DLG2: variants seen among roughly 807,000 people sequenced by gnomAD.
The protein encoded by DLG2 is disks large homolog 2.
Under a neutral mutation model 132.5 loss-of-function variants are expected in DLG2, and 45 were observed. That is an observed-to-expected ratio of 0.34 (90% CI 0.27 to 0.44). DLG2 has a LOEUF of 0.44. Ranked by LOEUF, DLG2 falls within the 20% of genes least tolerant of loss-of-function variation. The probability of loss-of-function intolerance (pLI) is 1.00; values close to 1 mark genes in which losing one functional copy is unlikely to be tolerated. For missense variants in DLG2, 1,045 were observed against 1,196.9 expected (o/e 0.87, Z 1.87); for synonymous variants, 424 against 419.6 (o/e 1.01, Z -0.13).
intron 6 of DLG2, among the ~76,000 whole-genome samples, chr11:84,624,521 G>C (rs927054046): frequency 3.9e-5 from 6 of 151,940 alleles, no homozygotes; most frequent in African/African-American, 1.5e-4. Context: ...ACTCCTACTA[G>C]GAGTTCTCAT....
intron 6 of DLG2, among the ~76,000 whole-genome samples, chr11:84,641,960 T>C (rs2099667040): frequency 6.6e-6 from 1 of 150,598 alleles, no homozygotes. Context: ...CATACGTATA[T>C]ATGTATATAT....
intron 6 of DLG2, among the ~76,000 whole-genome samples, chr11:84,556,623 C>A (rs976020278): frequency 6.6e-6 from 1 of 152,160 alleles, no homozygotes; most frequent in African/African-American, 2.4e-5. Context: ...CCACATGTGA[C>A]CCACAGGCCG....
chr11:84,575,606 G>C (rs1338189191), intron 6 of DLG2, among the ~76,000 whole-genome samples: 1 of 152,092 alleles, frequency 6.6e-6, no homozygotes, highest in Non-Finnish European at 1.5e-5. Context: ...TTTTGATACA[G>C]GCATGCAATG....
At chr11:85,047,990 T>C (rs1055690762) in intron 6 of DLG2, among the ~76,000 whole-genome samples, 1 of 152,032 alleles carries the variant, frequency 6.6e-6, no homozygotes, top group South Asian at 2.1e-4. Context: ...TTTTCTAGCT[T>C]TCATTCATAG....
intron 4 of DLG2, among the ~76,000 whole-genome samples, chr11:85,279,157 T>A (rs898910888): frequency 1.4e-4 from 22 of 152,094 alleles, no homozygotes; most frequent in Admixed American, 3.9e-4. Flanking sequence ...AACTAGAATA[T>A]TGGAATCAAG....
Position 85,296,864 on chromosome 11 carries a change from T to C in DLG2, c.41-11499A>G, listed in dbSNP as rs186149741. The stretch of plus-strand genomic sequence containing the variant: ...TATAAAATGTGTAATAAAATTTTAT[T>C]ATAATTATGATGTAATTTTATTATA... On this transcript the variant is annotated intron_variant, in intron 3 of 27. Transcript: ENST00000376104. Among the ~76,000 whole-genome samples, 100 of 150,176 alleles carry C rather than the reference T, an allele frequency of 6.7e-4. 1 individual carries two copies. The highest frequency in any genetic ancestry group is 2.2e-3 in the African/African-American group (91 of 41,274).
chr11:85,448,538 T>C (rs997236944), intron 3 of DLG2, among the ~76,000 whole-genome samples: 1 of 152,174 alleles, frequency 6.6e-6, no homozygotes, highest in Non-Finnish European at 1.5e-5. Flanking sequence ...CACAACCCCT[T>C]TCTTTGAATG....
chr11:85,396,310 A>T (rs1010874751), intron 3 of DLG2, among the ~76,000 whole-genome samples: 1 of 152,144 alleles, frequency 6.6e-6, no homozygotes, highest in Non-Finnish European at 1.5e-5. Flanking sequence ...TATAACCACA[A>T]ACATGGGGAG....
At chr11:85,063,985 T>TGA (rs1430726181) in intron 6 of DLG2, among the ~76,000 whole-genome samples, 3 of 151,580 alleles carry the variant, frequency 2.0e-5, no homozygotes, top group Non-Finnish European at 4.4e-5. Flanking sequence ...ATAATTTAGT[T>TGA]GAGAAAAAAG....
At chr11:85,226,014 T>C (rs1282743199) in intron 4 of DLG2, among the ~76,000 whole-genome samples, 1 of 152,112 alleles carries the variant, frequency 6.6e-6, no homozygotes, top group African/African-American at 2.4e-5. Context: ...GAATTATCTC[T>C]GATTCCTTCC....
rs1333368977 is a variant in DLG2 at position 83,841,985 on chromosome 11, C to T, written c.1566-8215G>A. The stretch of plus-strand genomic sequence containing the variant: ...AAAGTAGCCAAGAGTAAGGAGCGGC[C>T]AGCCTTCTTCTTAAAAGGTATTATT... On this transcript the variant is annotated intron_variant, in intron 16 of 27. Transcript: ENST00000376104. 2.0e-5 allele frequency among the ~76,000 whole-genome samples: 3 copies of T among 152,224 alleles called. 1 individual carries two copies. The South Asian group carries it at 6.2e-4, about 32-fold the overall frequency.
intron 3 of DLG2, among the ~76,000 whole-genome samples, chr11:85,440,068 C>T (rs1001197954): frequency 2.0e-5 from 3 of 152,254 alleles, no homozygotes; most frequent in Admixed American, 2.0e-4. Flanking sequence ...TGCTTTAATA[C>T]TTTTATCTAT....
chr11:83,901,682 C>T (rs1038371329), intron 15 of DLG2, among the ~76,000 whole-genome samples: 3 of 152,140 alleles, frequency 2.0e-5, no homozygotes, highest in Non-Finnish European at 2.9e-5. Context: ...CTCTTTTTCA[C>T]CAGTGTGAAA....
At chr11:85,626,882 GT>G (rs1400822880) in intron 1 of DLG2, 129 bp from the exon 2 acceptor site, 2 of 152,112 alleles carry the variant, frequency 1.3e-5, no homozygotes, top group Non-Finnish European at 2.9e-5. Context: ...TATTTAGACT[GT>G]TTTTACAAAC....
chr11:83,497,913 T>TAA (rs966451122), intron 21 of DLG2, among the ~76,000 whole-genome samples: 3 of 147,836 alleles, frequency 2.0e-5, no homozygotes, highest in African/African-American at 7.4e-5. Context: ...CTTAATTTAT[T>TAA]AAAAAAAAAA....
intron 6 of DLG2, among the ~76,000 whole-genome samples, chr11:84,999,196 G>A (rs2057980485): frequency 6.6e-6 from 1 of 151,914 alleles, no homozygotes; most frequent in African/African-American, 2.4e-5. Flanking sequence ...TGTCTGTTAG[G>A]GGCCACCTAT....
intron 3 of DLG2, among the ~76,000 whole-genome samples, chr11:85,406,255 C>T (rs1229186638): frequency 6.8e-6 from 1 of 147,372 alleles, no homozygotes; most frequent in Non-Finnish European, 1.5e-5. Flanking sequence ...TTCTCTCTGA[C>T]AGAGACAGCA....
intron 4 of DLG2, among the ~76,000 whole-genome samples, chr11:85,155,631 AG>A (rs1485573677): frequency 3.9e-5 from 6 of 152,150 alleles, no homozygotes; most frequent in African/African-American, 1.4e-4. Flanking sequence ...GTACTTTAGA[AG>A]GCCAAGGAGG....
chr11:85,472,698 G>A (rs368077610), intron 3 of DLG2, among the ~76,000 whole-genome samples: 9 of 152,152 alleles, frequency 5.9e-5, no homozygotes, highest in Admixed American at 2.6e-4. Context: ...TCTGGGACCC[G>A]CCAAAAGGCA....
Sources: allele counts gnomAD v4.1 joint callset (sites outside exome capture counted in the v4.1 genomes callset), GRCh38; gene constraint gnomAD v4.1.1; transcripts MANE v1.5; gene names NCBI Gene and HGNC (gene_info 2026-07-23, HGNC 2026-07-21).